The following FANCL variants were observed in gnomAD, a reference collection of about 807,000 sequenced individuals.
FANCL encodes the protein E3 ubiquitin-protein ligase FANCL.
A neutral mutation model predicts 59.4 loss-of-function variants in FANCL; 69 were observed. The observed-to-expected ratio is 1.16, with a 90% CI of 0.96 to 1.42. The LOEUF (loss-of-function observed/expected upper bound fraction) is 1.42. Among genes scored for constraint, FANCL ranks in the 40% most tolerant of loss-of-function variants. The pLI, the probability that FANCL is intolerant of heterozygous loss-of-function variation, is 0.00. For missense variants in FANCL, 519 were observed against 447.2 expected (o/e 1.16, Z -1.45); for synonymous variants, 180 against 147.1 (o/e 1.22, Z -1.62).
At chr2:58,171,008 G>A (rs1357893534) in intron 7 of FANCL, among the ~76,000 whole-genome samples, 1 of 151,638 alleles carries the variant, frequency 6.6e-6, no homozygotes, top group African/African-American at 2.4e-5. Context: ...GTTGAACTCA[G>A]CTCTGGACCA....
chr2:58,204,283 C>T, intron 5 of FANCL, 57 bp from the exon 6 acceptor site: 1 of 1,216,756 alleles, frequency 8.2e-7, no homozygotes, highest in South Asian at 1.2e-5. Flanking sequence ...GAGAGGGGAA[C>T]TGGAGATGGT....
intron 1 of FANCL, among the ~76,000 whole-genome samples, 180 bp downstream of exon 1, chr2:58,241,038 C>T (rs1251604249): frequency 1.3e-5 from 2 of 152,226 alleles, no homozygotes; most frequent in African/African-American, 2.4e-5. Flanking sequence ...GCGCGGCGAC[C>T]ACCGGGGTGG....
chr2:58,171,095 A>G (rs945243610), intron 7 of FANCL, among the ~76,000 whole-genome samples: 2 of 152,138 alleles, frequency 1.3e-5, no homozygotes, highest in Non-Finnish European at 2.9e-5. Flanking sequence ...ACCACATCAC[A>G]CTTCTTTTAA....
intron 6 of FANCL, among the ~76,000 whole-genome samples, chr2:58,201,166 T>C (rs1242053098): frequency 6.6e-6 from 1 of 151,308 alleles, no homozygotes; most frequent in Non-Finnish European, 1.5e-5. Flanking sequence ...TGATCAAAAT[T>C]AAGATACTTT....
rs144880878 is a variant in FANCL, at chr2:58,188,692, G to A, written c.540+9902C>T. On this transcript the variant is annotated intron_variant, in intron 7 of 13. Coordinates refer to ENST00000233741, the MANE Select transcript of FANCL (RefSeq NM_018062.4). ...TGGGCTCAATCAATCTTCTCGTCTC[G>A]GCCTCCTGAAGTGTTGGGATTACGG... Among the ~76,000 whole-genome samples the A allele has an allele frequency of 1.5e-3, 234 of 151,514 alleles. 1 individual carries two copies. Among genetic ancestry groups the A allele is most frequent in the African/African-American group, 5.4e-3 (222 of 41,252 alleles).
Position 58,159,579 on chromosome 2 carries a change from G to C in FANCL, c.*186C>G, listed in dbSNP as rs1337418647. On this transcript the variant is annotated 3_prime_UTR_variant, in exon 14 of 14. Coordinates refer to ENST00000233741, the MANE Select transcript of FANCL (RefSeq NM_018062.4). The stretch of plus-strand genomic sequence containing the variant: ...ACTTAGAAAGTTCAACTGGACTTTG[G>C]CCTACAATTTCCCAGTTTACTCTTA... 1.2e-6 allele frequency: 2 copies of C among 1,613,626 alleles called. No homozygotes were observed. Among genetic ancestry groups the C allele is most frequent in the African/African-American group, 2.7e-5 (2 of 74,882 alleles).
intron 12 of FANCL, among the ~76,000 whole-genome samples, chr2:58,160,888 C>A (rs1685049284): frequency 6.6e-6 from 1 of 151,948 alleles, no homozygotes. Flanking sequence ...CCGAAGGCAA[C>A]ATACAATTGC....
intron 8 of FANCL, among the ~76,000 whole-genome samples, chr2:58,164,409 A>G (rs1382313895): frequency 1.3e-5 from 2 of 152,040 alleles, no homozygotes; most frequent in African/African-American, 4.8e-5. Flanking sequence ...AAAAATACAA[A>G]AAGTTATAAT....
chr2:58,217,193 TATATATATATATATATATATATACACAC>T (rs1244243239), intron 5 of FANCL, among the ~76,000 whole-genome samples: 447 of 13,686 alleles, frequency 0.033, 26 homozygotes, highest in East Asian at 0.1. Flanking sequence ...TATATATATA[TATATATATATATATATATATATACACAC>T]ACACACACAC....
At position 58,179,900 on chromosome 2, in the gene FANCL, A is replaced by G. The variant is rs1005263415; in HGVS notation, c.541-14026T>C. 3.9e-5 allele frequency among the ~76,000 whole-genome samples: 6 copies of G among 152,186 alleles called. 1 individual carries two copies. Among genetic ancestry groups the G allele is most frequent in the Non-Finnish European group, 1.5e-5 (1 of 68,018 alleles). On this transcript the variant is annotated intron_variant, in intron 7 of 13. Coordinates refer to ENST00000233741, the MANE Select transcript of FANCL (RefSeq NM_018062.4). ...ACAAGAAAAAAACAACCGTATCTAA[A>G]AGTAGGCAAAGGATATGAACAGACA...
At chr2:58,204,104 C>T in intron 6 of FANCL, 26 bp downstream of exon 6, 1 of 1,549,734 alleles carries the variant, frequency 6.5e-7, no homozygotes, top group Admixed American at 1.7e-5. Flanking sequence ...TTTCTGATCA[C>T]AATAACAGTT....
intron 5 of FANCL, among the ~76,000 whole-genome samples, chr2:58,217,893 T>C (rs1692010267): frequency 6.6e-6 from 1 of 151,974 alleles, no homozygotes; most frequent in Non-Finnish European, 1.5e-5. Context: ...AACAAGAGAT[T>C]ACATACTCTT....
intron 2 of FANCL, among the ~76,000 whole-genome samples, chr2:58,230,342 G>A (rs1339233769): frequency 1.3e-5 from 2 of 151,978 alleles, no homozygotes; most frequent in Non-Finnish European, 2.9e-5. Flanking sequence ...ATCTCGCTCT[G>A]TCACTCAGGC....
At chr2:58,185,225 G>C (rs879288218) in intron 7 of FANCL, among the ~76,000 whole-genome samples, 3 of 152,050 alleles carry the variant, frequency 2.0e-5, no homozygotes, top group Non-Finnish European at 2.9e-5. Flanking sequence ...CATTTGAAAA[G>C]AGCAAGCATA....
intron 3 of FANCL, among the ~76,000 whole-genome samples, chr2:58,227,034 C>T (rs1693077157): frequency 6.6e-6 from 1 of 152,158 alleles, no homozygotes; most frequent in African/African-American, 2.4e-5. Context: ...CACTTAAAAC[C>T]TCACACTACT....
Position 58,204,201 on chromosome 2 carries a change from T to C in FANCL, c.400A>G (p.Ser134Gly), listed in dbSNP as rs778990486. ...DKLVYADTCF[S>G]TIKLKAEDAS... ...TCTTCTGCTTTTAACTTGATGGTAC[T>C]GAAGCAGGTATCCGCATACACAAGT... is the stretch of plus-strand genomic sequence containing the variant. The change falls in exon 6 of 14, where the codon AGT (serine) becomes GGT (glycine). Residue 134 changes from serine (S) to glycine (G), a missense_variant. Transcript: ENST00000233741. The C allele has an allele frequency of 1.9e-6, 3 of 1,613,238 alleles. No individual in the cohort carries two copies. The highest frequency in any genetic ancestry group is 2.5e-6 in the Non-Finnish European group (3 of 1,179,302).
chr2:58,197,068 C>T (rs143346791), intron 7 of FANCL, among the ~76,000 whole-genome samples: 4 of 151,082 alleles, frequency 2.6e-5, no homozygotes, highest in Admixed American at 1.3e-4. Context: ...TTATAGCATA[C>T]ATCAAAATAC....
At chr2:58,210,027 T>G (rs1302246863) in intron 5 of FANCL, among the ~76,000 whole-genome samples, 1 of 152,216 alleles carries the variant, frequency 6.6e-6, no homozygotes, top group East Asian at 1.9e-4. Context: ...TGAAGTGTAC[T>G]CACTCTAGAC....
Position 58,241,304 on chromosome 2 carries a change from T to G in FANCL, c.10A>C (p.Thr4Pro). 1.2e-6 allele frequency: 2 copies of G among 1,614,166 alleles called. No homozygotes were observed. Among genetic ancestry groups the G allele is most frequent in the Non-Finnish European group, 1.7e-6 (2 of 1,180,024 alleles). MAV[T>P]EASLLRQCPL... ...CACTGGCGCAACAGGCTCGCTTCCG[T>G]CACCGCCATGGCTCGAAGTCCGGAG... The change falls in exon 1 of 14, where the codon ACG becomes CCG. Residue 4 changes from threonine (T) to proline (P), a missense_variant. By Grantham distance (38) the Thr-to-Pro change is conservative (BLOSUM62 -1). Coordinates refer to ENST00000233741, the MANE Select transcript of FANCL (RefSeq NM_018062.4).
Sources: allele counts gnomAD v4.1 joint callset (sites outside exome capture counted in the v4.1 genomes callset), GRCh38; gene constraint gnomAD v4.1.1; transcripts MANE v1.5; gene names NCBI Gene and HGNC (gene_info 2026-07-23, HGNC 2026-07-21).